The following RB1CC1 variants were observed in gnomAD, a reference collection of about 807,000 sequenced individuals.
RB1CC1 encodes RB1 inducible coiled-coil 1, also known as RB1-inducible coiled-coil protein 1.
Under a neutral mutation model 177.5 loss-of-function variants are expected in RB1CC1, and 46 were observed. The ratio of observed to expected loss-of-function variants is 0.26; its 90% confidence interval spans 0.20 to 0.33. RB1CC1 has a LOEUF of 0.33. Ranked by LOEUF, RB1CC1 falls within the 10% of genes least tolerant of loss-of-function variation. The pLI is 1.00. For missense variants in RB1CC1, 1,703 were observed against 1,816.3 expected, an observed-to-expected ratio of 0.94 and a Z score of 1.13; for synonymous variants, 666 against 613.6, an observed-to-expected ratio of 1.09 and a Z score of -1.26.
At chr8:52,708,998 G>A (rs996734121) in intron 1 of RB1CC1, among the ~76,000 whole-genome samples, 3 of 151,740 alleles carry the variant, frequency 2.0e-5, no homozygotes, top group South Asian at 2.1e-4. Context: ...ACCTGAGGTC[G>A]CGAGTTTGAG....
At chr8:52,642,980 G>C in intron 16 of RB1CC1, 168 bp from the exon 17 acceptor site, 1 of 743,302 alleles carries the variant, frequency 1.3e-6, no homozygotes, top group Non-Finnish European at 1.9e-6. Flanking sequence ...TGTGGCAAAG[G>C]TTCTACTTTC....
chr8:52,632,605 A>C (rs1364299052), intron 20 of RB1CC1, among the ~76,000 whole-genome samples: 1 of 152,204 alleles, frequency 6.6e-6, no homozygotes, highest in African/African-American at 2.4e-5. Context: ...ATTCTATGTG[A>C]AAGTGTGATT....
At position 52,685,396 on chromosome 8, in the gene RB1CC1, C is replaced by T. The variant is rs772512788; in HGVS notation, c.71+3G>A. On this transcript the variant is annotated splice_donor_region_variant and intron_variant, in intron 3 of 23. Coordinates refer to ENST00000025008, the MANE Select transcript of RB1CC1 (RefSeq NM_014781.5). ...AAAAAAAAATAAATGAAATACAACTCACGTTTGCACTGTAAGTTCAGTGTC... is the reference window on the plus strand; with the variant it reads ...AAAAAAAAATAAATGAAATACAACTTACGTTTGCACTGTAAGTTCAGTGTC... 2 of 1,576,320 alleles carry T rather than the reference C, an allele frequency of 1.3e-6. No homozygotes were observed. The highest frequency in any genetic ancestry group is 1.1e-5 in the South Asian group (1 of 88,116).
chr8:52,657,918 A>C lies in RB1CC1; in HGVS notation c.1921-10T>G. 1 of 1,612,756 alleles carries C rather than the reference A, an allele frequency of 6.2e-7. No homozygotes were observed. The highest frequency in any genetic ancestry group is 1.1e-5 in the South Asian group (1 of 91,050). ...TCTGACTCACAGATGCCTGGAAAAC[A>C]GAAAGAAAGGCTTAAAGAGCTGCAG... On this transcript the variant is annotated splice_polypyrimidine_tract_variant and intron_variant, in intron 14 of 23. Transcript: ENST00000025008.
chr8:52,711,753 T>G (rs1408563571), intron 1 of RB1CC1, among the ~76,000 whole-genome samples: 1 of 152,220 alleles, frequency 6.6e-6, no homozygotes, highest in African/African-American at 2.4e-5. Context: ...AACCTGAATA[T>G]GTAGAGCCCC....
intron 21 of RB1CC1, among the ~76,000 whole-genome samples, chr8:52,629,567 C>G (rs572594987): frequency 6.6e-6 from 1 of 152,244 alleles, no homozygotes; most frequent in East Asian, 1.9e-4. Context: ...GTTGGACTTG[C>G]CTCATCATGT....
intron 1 of RB1CC1, among the ~76,000 whole-genome samples, chr8:52,703,758 T>C (rs746656582): frequency 1.3e-4 from 20 of 152,212 alleles, no homozygotes; most frequent in Non-Finnish European, 2.5e-4. Context: ...CAAGCTGTAT[T>C]GCAAATGGCT....
chr8:52,708,955 C>T (rs1407503898), intron 1 of RB1CC1, among the ~76,000 whole-genome samples: 1 of 152,158 alleles, frequency 6.6e-6, no homozygotes, highest in African/African-American at 2.4e-5. Context: ...TTATATGCCA[C>T]CCAGCACTTT....
chr8:52,692,092 G>C (rs1854922777), intron 1 of RB1CC1, among the ~76,000 whole-genome samples: 1 of 152,080 alleles, frequency 6.6e-6, no homozygotes, highest in South Asian at 2.1e-4. Flanking sequence ...AACAAACTTA[G>C]TAAACCAAAA....
rs548792898 is a variant in RB1CC1, at chr8:52,628,075, A to G, written c.4593T>C (p.His1531=). 1.2e-6 allele frequency: 2 copies of G among 1,606,916 alleles called. No individual in the cohort carries two copies. The highest frequency in any genetic ancestry group is 3.4e-5 in the Admixed American group (2 of 59,094). ...FTVSPTLYFL[H]SESLPALDLK... The stretch of plus-strand genomic sequence containing the variant: ...GATCCAGGGCAGGTAGAGACTCTGA[A>G]TGTAGAAAATATAAAGTAGGACTAA... The change falls in exon 22 of 24, where the codon CAT becomes CAC. Residue 1531 remains histidine, a synonymous_variant. Coordinates refer to ENST00000025008, the MANE Select transcript of RB1CC1 (RefSeq NM_014781.5).
intron 16 of RB1CC1, among the ~76,000 whole-genome samples, chr8:52,644,324 A>T (rs1849819508): frequency 6.6e-6 from 1 of 152,220 alleles, no homozygotes. Context: ...TATAAATATT[A>T]AAAGAGACAT....
At chr8:52,675,947 A>C (rs1853086668) in intron 6 of RB1CC1, among the ~76,000 whole-genome samples, 1 of 151,556 alleles carries the variant, frequency 6.6e-6, no homozygotes, top group Admixed American at 6.6e-5. Context: ...TTTCCACCTC[A>C]TCAAACCTGT....
At chr8:52,652,539 G>C (rs1466486871) in intron 15 of RB1CC1, among the ~76,000 whole-genome samples, 1 of 151,080 alleles carries the variant, frequency 6.6e-6, no homozygotes, top group Non-Finnish European at 1.5e-5. Context: ...TCAATTTCTT[G>C]CCATTAATTT....
intron 5 of RB1CC1, among the ~76,000 whole-genome samples, chr8:52,679,793 C>T (rs1262649964): frequency 1.3e-5 from 2 of 152,132 alleles, no homozygotes; most frequent in Admixed American, 1.3e-4. Context: ...GGGTGGACAG[C>T]AAGAACCTCT....
chr8:52,696,926 C>G (rs971802010), intron 1 of RB1CC1, among the ~76,000 whole-genome samples: 8 of 152,090 alleles, frequency 5.3e-5, no homozygotes, highest in Admixed American at 4.6e-4. Flanking sequence ...TTGTTTCAGC[C>G]TGGGGGATGG....
rs562043862 is a variant in RB1CC1, at chr8:52,688,895, T to C, written c.-166-1928A>G. 2.0e-5 allele frequency among the ~76,000 whole-genome samples: 3 copies of C among 152,186 alleles called. No individual in the cohort carries two copies. In the East Asian group the frequency reaches 5.8e-4, roughly 29 times the overall value. On this transcript the variant is annotated intron_variant, in intron 1 of 23. Transcript: ENST00000025008. The stretch of plus-strand genomic sequence containing the variant: ...TCAGCCGGCCGACACTAATGGAAAA[T>C]AGAACCTACAGTGAAATATTGGGGG...
intron 1 of RB1CC1, among the ~76,000 whole-genome samples, chr8:52,710,365 A>C (rs1167850539): frequency 6.6e-6 from 1 of 152,234 alleles, no homozygotes; most frequent in African/African-American, 2.4e-5. Context: ...GTAGTGCCCA[A>C]AGACAGCAAA....
At chr8:52,680,610 G>A (rs1465387520) in intron 5 of RB1CC1, among the ~76,000 whole-genome samples, 1 of 152,092 alleles carries the variant, frequency 6.6e-6, no homozygotes, top group Non-Finnish European at 1.5e-5. Flanking sequence ...TTCACAGCAG[G>A]TTTAGTCACA....
In RB1CC1 at chr8:52,656,521, T is replaced by C. The variant is rs1248325285; in HGVS notation, c.3308A>G (p.Glu1103Gly). The C allele has an allele frequency of 6.2e-7, 1 of 1,611,572 alleles. No homozygotes were observed. The change falls in exon 15 of 24, where the codon GAA (glutamate) becomes GGA (glycine). Residue 1103 changes from glutamate to glycine, a missense_variant. By Grantham distance (98) the Glu-to-Gly change is moderately conservative. Coordinates refer to ENST00000025008, the MANE Select transcript of RB1CC1 (RefSeq NM_014781.5). ...AATCTTTTGGTTGAGTTTACTAATTTCTGTTCTCAAATTTTCTGTCTCTTG... is the reference window on the plus strand; with the variant it reads ...AATCTTTTGGTTGAGTTTACTAATTCCTGTTCTCAAATTTTCTGTCTCTTG... ...LEQETENLRT[E>G]ISKLNQKIQD...
Sources: gnomAD v4.1 joint callset for allele counts (sites outside exome capture counted in the v4.1 genomes callset) on GRCh38, gnomAD v4.1.1 for gene constraint, MANE v1.5 for transcripts, NCBI Gene and HGNC (gene_info 2026-07-23, HGNC 2026-07-21) for gene names.